The following OPHN1 variants were observed in gnomAD, a reference collection of about 807,000 sequenced individuals.
OPHN1 encodes oligophrenin-1.
In OPHN1, 11 loss-of-function variants were observed where a neutral mutation model predicts 60.7. That is an observed-to-expected ratio of 0.18 (90% CI 0.11 to 0.30). The LOEUF is 0.30. OPHN1 is among the 10% of genes least tolerant of loss of function. The pLI is 1.00. For missense variants in OPHN1, 449 were observed against 611.0 expected (o/e 0.73, Z 2.80); for synonymous variants, 226 against 222.6 (o/e 1.02, Z -0.14).
intron 2 of OPHN1, among the ~76,000 whole-genome samples, chrX:68,425,812 C>CTTTTTTTTTT (rs1188011531): frequency 2.6e-5 from 1 of 38,658 alleles, no homozygotes; most frequent in Non-Finnish European, 3.9e-5. Flanking sequence ...GGACTGGATT[C>CTTTTTTTTTT]TTTTTTTTTT....
intron 15 of OPHN1, among the ~76,000 whole-genome samples, chrX:68,160,155 T>C: frequency 9.1e-6 from 1 of 109,746 alleles, no homozygotes. Flanking sequence ...AAAATGGACT[T>C]CAAACCAAAA....
At chrX:68,286,450 C>T (rs2078041701) in intron 3 of OPHN1, among the ~76,000 whole-genome samples, 1 of 111,116 alleles carries the variant, frequency 9.0e-6, no homozygotes, top group African/African-American at 3.3e-5. Context: ...AGCTGAAGGT[C>T]AGCCAGAAGT....
chrX:68,181,310 A>T (rs905227323), intron 15 of OPHN1, among the ~76,000 whole-genome samples: 2 of 111,531 alleles, frequency 1.8e-5, no homozygotes, highest in Non-Finnish European at 3.8e-5. Flanking sequence ...AATCCTTCAC[A>T]TGACTGATAA....
intron 2 of OPHN1, among the ~76,000 whole-genome samples, chrX:68,371,767 C>T (rs980987678): frequency 2.7e-5 from 3 of 111,686 alleles, no homozygotes; most frequent in African/African-American, 9.7e-5. Context: ...CACGGAGTCT[C>T]ACTCAGTCAC....
intron 5 of OPHN1, among the ~76,000 whole-genome samples, chrX:68,243,607 C>G (rs2077791933): frequency 9.0e-6 from 1 of 111,047 alleles, no homozygotes; most frequent in Non-Finnish European, 1.9e-5. Context: ...AGGCAGGTCT[C>G]AAACTCCTGA....
At chrX:68,213,807 T>C in intron 7 of OPHN1, 55 bp downstream of exon 7, 1 of 711,642 alleles carries the variant, frequency 1.4e-6, no homozygotes, top group African/African-American at 2.1e-5. Flanking sequence ...AGTTTGTACA[T>C]TTACCAGGCA....
intron 3 of OPHN1, among the ~76,000 whole-genome samples, chrX:68,295,943 AT>A (rs1015990887): frequency 2.7e-5 from 3 of 110,892 alleles, no homozygotes; most frequent in Admixed American, 9.6e-5. Context: ...GCTTTAAGCA[AT>A]TTTTTTTTCC....
At chrX:68,187,833 T>C (rs935078813) in intron 15 of OPHN1, among the ~76,000 whole-genome samples, 1 of 111,728 alleles carries the variant, frequency 9.0e-6, no homozygotes, top group East Asian at 2.8e-4. Flanking sequence ...TTCACCATGT[T>C]AGCCAGGATG....
chrX:68,267,542 A>G lies in OPHN1; in HGVS notation c.384+7196T>C, dbSNP rs767990360. On this transcript the variant is annotated intron_variant, in intron 5 of 24. Transcript: ENST00000355520. ...ACATTCAAAGCAGTGTGTAGAGGGAAACTGATAGCACTAAATGCCCACAAG... is the reference window on the plus strand; with the variant it reads ...ACATTCAAAGCAGTGTGTAGAGGGAGACTGATAGCACTAAATGCCCACAAG... Among the ~76,000 whole-genome samples, 190 of 112,383 alleles carry G rather than the reference A, an allele frequency of 1.7e-3. 1 individual carries two copies. Among genetic ancestry groups the G allele is most frequent in the African/African-American group, 5.7e-3 (178 of 30,960 alleles).
intron 18 of OPHN1, among the ~76,000 whole-genome samples, chrX:68,109,761 G>A (rs2077096437): frequency 1.8e-5 from 2 of 111,091 alleles, no homozygotes; most frequent in Admixed American, 1.9e-4. Flanking sequence ...TTTACGTGCT[G>A]GAAAATTGTA....
chrX:68,155,321 A>T (rs1223486204), intron 15 of OPHN1, among the ~76,000 whole-genome samples: 1 of 111,618 alleles, frequency 9.0e-6, no homozygotes, highest in East Asian at 2.8e-4. Context: ...AAGCTACCTG[A>T]TATGATTAGC....
In OPHN1 at chrX:68,121,817, C is replaced by T. The variant is rs183319087; in HGVS notation, c.1277-2485G>A. 2.8e-5 allele frequency among the ~76,000 whole-genome samples: 3 copies of T among 106,882 alleles called. No homozygotes were observed. In the Admixed American group the frequency reaches 3.1e-4, roughly 11 times the overall value. 92.8% of individuals were successfully genotyped at this position (106,882 alleles called of 115,157 possible). ...CAAGAGTAAAGAGGACTTTGTCTTG[C>T]ATCTTGTATATTAGCTCAGCCACAG... On this transcript the variant is annotated intron_variant, in intron 15 of 24. Transcript: ENST00000355520.
intron 15 of OPHN1, among the ~76,000 whole-genome samples, chrX:68,146,729 A>C (rs779665618): frequency 1.1e-4 from 12 of 112,486 alleles, no homozygotes; most frequent in African/African-American, 3.9e-4. Context: ...CATAAATGGA[A>C]AGTACACTCC....
intron 10 of OPHN1, among the ~76,000 whole-genome samples, chrX:68,203,547 T>G (rs922855813): frequency 3.6e-5 from 4 of 111,390 alleles, no homozygotes; most frequent in African/African-American, 1.3e-4. Context: ...TGTCACACAT[T>G]AGTCTTTCAA....
chrX:68,100,220 C>A (rs1322448680), intron 18 of OPHN1, among the ~76,000 whole-genome samples: 1 of 110,908 alleles, frequency 9.0e-6, no homozygotes, highest in Non-Finnish European at 1.9e-5. Flanking sequence ...ATAGAACCAT[C>A]TATTAAGTAT....
At chrX:68,380,448 T>C (rs1170180849) in intron 2 of OPHN1, among the ~76,000 whole-genome samples, 9 of 111,749 alleles carry the variant, frequency 8.1e-5, no homozygotes, top group Non-Finnish European at 1.7e-4. Context: ...GCTCTGATTT[T>C]AGTTATTTCT....
At chrX:68,295,657 C>T (rs1404645558) in intron 3 of OPHN1, among the ~76,000 whole-genome samples, 6 of 112,283 alleles carry the variant, frequency 5.3e-5, no homozygotes, top group African/African-American at 1.6e-4. Context: ...AAAAAAGTCA[C>T]GGTCAGATCA....
At chrX:68,355,790 G>T (rs760595480) in intron 2 of OPHN1, among the ~76,000 whole-genome samples, 3 of 111,776 alleles carry the variant, frequency 2.7e-5, no homozygotes, top group Non-Finnish European at 5.6e-5. Context: ...TAATCCCAGC[G>T]CTTTGGGAGG....
chrX:68,350,424 C>G (rs1259666021), intron 2 of OPHN1, among the ~76,000 whole-genome samples: 1 of 92,765 alleles, frequency 1.1e-5, no homozygotes, highest in Non-Finnish European at 2.1e-5. Flanking sequence ...TCTCTCTCCC[C>G]TCCCTCCCTC....
Sources: gnomAD v4.1 joint callset for allele counts (sites outside exome capture counted in the v4.1 genomes callset) on GRCh38, gnomAD v4.1.1 for gene constraint, MANE v1.5 for transcripts, NCBI Gene and HGNC (gene_info 2026-07-23, HGNC 2026-07-21) for gene names.